The following ACSM1 variants were observed in gnomAD, a reference collection of about 807,000 sequenced individuals.
The protein encoded by ACSM1 is acyl-coenzyme A synthetase ACSM1, mitochondrial.
ACSM1 carries 79 observed loss-of-function variants against 75.8 expected under a neutral mutation model. The ratio of observed to expected loss-of-function variants is 1.04; its 90% CI spans 0.87 to 1.26. The LOEUF is 1.26. ACSM1 is among the 50% of genes most tolerant of loss of function. ACSM1 has a pLI of 0.00. For missense variants in ACSM1, 676 were observed against 720.1 expected, an observed-to-expected ratio of 0.94 and a Z score of 0.70; for synonymous variants, 279 against 265.8, an observed-to-expected ratio of 1.05 and a Z score of -0.48.
At position 20,661,840 on chromosome 16, in the gene ACSM1, C is replaced by T. The variant is rs765919986; in HGVS notation, c.946G>A (p.Gly316Arg). Residue 316 changes from glycine (G) to arginine (R), a missense_variant, in exon 7 of 14, where the codon GGG (glycine) becomes AGG (arginine). Coordinates refer to ENST00000520010, the MANE Select transcript of ACSM1 (RefSeq NM_001318890.3). ...LLKYPINHFWGVSSIYRMILQ... is the reference protein window; with the variant it reads ...LLKYPINHFWRVSSIYRMILQ... ...ATCATTCGATATATAGATGATACCC[C>T]CCAAAAGTGGTTAATGGGGTATTTC... 6.2e-7 allele frequency: 1 copy of T among 1,609,274 alleles called. No individual in the cohort carries two copies. Among genetic ancestry groups the T allele is most frequent in the South Asian group, 1.1e-5 (1 of 90,510 alleles).
intron 7 of ACSM1, among the ~76,000 whole-genome samples, chr16:20,657,026 T>A (rs1255705480): frequency 3.3e-5 from 5 of 152,040 alleles, no homozygotes; most frequent in Admixed American, 3.3e-4. Context: ...AAAATATATA[T>A]ATTTACTAAT....
chr16:20,691,174 C>G lies in ACSM1; in HGVS notation c.15G>C (p.Met5Ile). 6.3e-7 allele frequency: 1 copy of G among 1,592,420 alleles called. No individual in the cohort carries two copies. Among genetic ancestry groups the G allele is most frequent in the Non-Finnish European group, 8.5e-7 (1 of 1,171,688 alleles). The change falls in exon 2 of 14, where the codon ATG (methionine) becomes ATC (isoleucine). Residue 5 changes from methionine to isoleucine, a missense_variant. Transcript: ENST00000520010. The stretch of plus-strand genomic sequence containing the variant: ...GGATGCCCCAGAGGGTCCGGAACCT[C>G]ATTAGCCACTGCATGGTGAAACAGT... MQWL[M>I]RFRTLWGIHK... is the part of the protein sequence containing the mutation.
chr16:20,662,137 G>A (rs2019334511), intron 6 of ACSM1, among the ~76,000 whole-genome samples: 1 of 152,214 alleles, frequency 6.6e-6, no homozygotes, highest in Non-Finnish European at 1.5e-5. Context: ...TGATAAGGCA[G>A]AAGTGGGTAG....
At chr16:20,628,573 C>T (rs1463079208) in intron 10 of ACSM1, among the ~76,000 whole-genome samples, 2 of 151,548 alleles carry the variant, frequency 1.3e-5, no homozygotes, top group Non-Finnish European at 2.9e-5. Flanking sequence ...TCAGCATAAT[C>T]CCCCAGAGAT....
At chr16:20,686,067 T>C (rs1161360252) in intron 2 of ACSM1, among the ~76,000 whole-genome samples, 3 of 152,036 alleles carry the variant, frequency 2.0e-5, no homozygotes, top group Admixed American at 6.6e-5. Flanking sequence ...CAATAATTAT[T>C]ACCTAGAAAG....
At position 20,685,353 on chromosome 16, in the gene ACSM1, C is replaced by A; in HGVS notation, c.243G>T (p.Gly81=). ...CTCTGAAGCTCCACTTTACTTCATCCCCTTGGCCATTCACCCACCAAAAAG... is the reference window on the plus strand; with the variant it reads ...CTCTGAAGCTCCACTTTACTTCATCACCTTGGCCATTCACCCACCAAAAAG... The part of the protein sequence containing the change: ...NPAFWWVNGQ[G]DEVKWSFREM... Residue 81 remains glycine, a synonymous_variant, in exon 3 of 14, where the codon GGG becomes GGT. Coordinates refer to ENST00000520010, the MANE Select transcript of ACSM1 (RefSeq NM_001318890.3). The A allele has an allele frequency of 6.2e-7, 1 of 1,614,186 alleles. No individual in the cohort carries two copies. Among genetic ancestry groups the A allele is most frequent in the Non-Finnish European group, 8.5e-7 (1 of 1,180,022 alleles).
intron 10 of ACSM1, among the ~76,000 whole-genome samples, chr16:20,629,905 T>G (rs1385519353): frequency 6.9e-6 from 1 of 145,736 alleles, no homozygotes; most frequent in Non-Finnish European, 1.5e-5. Flanking sequence ...GGCAAGAGAA[T>G]CACTTGAACC....
chr16:20,662,915 C>T (rs1408123114), intron 6 of ACSM1, among the ~76,000 whole-genome samples: 1 of 152,156 alleles, frequency 6.6e-6, no homozygotes, highest in Non-Finnish European at 1.5e-5. Flanking sequence ...GTAACCTCAC[C>T]CCAGGCACAG....
rs893730087 is a variant in ACSM1 at position 20,682,306 on chromosome 16, C to T, written c.561G>A (p.Leu187=). 6 of 1,613,836 alleles carry T rather than the reference C, an allele frequency of 3.7e-6. No individual in the cohort carries two copies. Among genetic ancestry groups the T allele is most frequent in the Non-Finnish European group, 2.5e-6 (3 of 1,179,958 alleles). Reference sequence around the variant, plus strand: ...ACCCTTCACGGCTGTGATCAGACACCAGGAGCTTGGTTTTCAGAGAGGGGC... The same window carrying T: ...ACCCTTCACGGCTGTGATCAGACACTAGGAGCTTGGTTTTCAGAGAGGGGC... The part of the protein sequence containing the change: ...SQCPSLKTKL[L]VSDHSREGWL... The change falls in exon 4 of 14, where the codon CTG becomes CTA. Residue 187 remains leucine, a synonymous_variant. Coordinates refer to ENST00000520010, the MANE Select transcript of ACSM1 (RefSeq NM_001318890.3).
intron 4 of ACSM1, among the ~76,000 whole-genome samples, chr16:20,672,837 T>C (rs1715584970): frequency 7.9e-6 from 1 of 127,188 alleles, no homozygotes; most frequent in Non-Finnish European, 1.5e-5. Flanking sequence ...TATATAAAAA[T>C]ATAAATATAT....
intron 4 of ACSM1, 136 bp from the exon 5 acceptor site, chr16:20,671,807 GTTAGGC>G: frequency 1.0e-6 from 1 of 961,728 alleles, no homozygotes. Context: ...CTCTCCCGGA[GTTAGGC>G]ATCACACTGA....
At position 20,627,172 on chromosome 16, in the gene ACSM1, G is replaced by A. The variant is rs2016979260; in HGVS notation, c.1427+17C>T. On this transcript the variant is annotated intron_variant, in intron 11 of 13. Transcript: ENST00000520010. ...TGTGACGGCAACAACAGCCAGCCCAGCATCAGCCACACCTACCCAGAGGCA... is the reference window on the plus strand; with the variant it reads ...TGTGACGGCAACAACAGCCAGCCCAACATCAGCCACACCTACCCAGAGGCA... 6.6e-7 allele frequency: 1 copy of A among 1,517,966 alleles called. No individual in the cohort carries two copies. The highest frequency in any genetic ancestry group is 1.4e-5 in the South Asian group (1 of 72,620). 94.0% of individuals were successfully genotyped at this position (1,517,966 alleles called of 1,614,324 possible).
intron 12 of ACSM1, among the ~76,000 whole-genome samples, chr16:20,625,058 G>A (rs988045331): frequency 7.2e-5 from 11 of 152,008 alleles, no homozygotes; most frequent in African/African-American, 1.7e-4. Context: ...ATGTATGTTC[G>A]GGAGCCACAT....
At chr16:20,645,807 GA>G (rs1175338115) in intron 7 of ACSM1, among the ~76,000 whole-genome samples, 2 of 152,162 alleles carry the variant, frequency 1.3e-5, no homozygotes, top group African/African-American at 4.8e-5. Flanking sequence ...AAGGACTAAG[GA>G]AAACTAGGAA....
At chr16:20,657,387 C>A (rs181564501) in intron 7 of ACSM1, among the ~76,000 whole-genome samples, 13 of 152,068 alleles carry the variant, frequency 8.5e-5, no homozygotes, top group African/African-American at 3.1e-4. Context: ...CAGCTCACTG[C>A]AACCTCTGCC....
At chr16:20,692,252 G>C (rs1343555727) in intron 1 of ACSM1, among the ~76,000 whole-genome samples, 2 of 152,226 alleles carry the variant, frequency 1.3e-5, no homozygotes, top group Non-Finnish European at 2.9e-5. Context: ...CTGAGACTAT[G>C]TGGCCAAGGT....
chr16:20,677,811 T>C (rs1216893253), intron 4 of ACSM1, among the ~76,000 whole-genome samples: 1 of 152,020 alleles, frequency 6.6e-6, no homozygotes, highest in African/African-American at 2.4e-5. Context: ...GACAAATATT[T>C]ACACAGATTC....
At chr16:20,695,333 C>T (rs1308731275) in intron 1 of ACSM1, among the ~76,000 whole-genome samples, 2 of 152,092 alleles carry the variant, frequency 1.3e-5, no homozygotes, top group East Asian at 1.9e-4. Flanking sequence ...GATAAATGCA[C>T]GATATCCTGC....
intron 7 of ACSM1, among the ~76,000 whole-genome samples, chr16:20,646,316 G>T (rs2018357012): frequency 6.6e-6 from 1 of 152,200 alleles, no homozygotes; most frequent in Non-Finnish European, 1.5e-5. Context: ...TCAAGGGAAT[G>T]ACTGGAAGGC....
Sources: gnomAD v4.1 joint callset for allele counts (sites outside exome capture counted in the v4.1 genomes callset) on GRCh38, gnomAD v4.1.1 for gene constraint, MANE v1.5 for transcripts, NCBI Gene and HGNC (gene_info 2026-07-23, HGNC 2026-07-21) for gene names.